SNRPC: variants seen among roughly 807,000 people sequenced by gnomAD.
SNRPC encodes small nuclear ribonucleoprotein polypeptide C, also known as U1 small nuclear ribonucleoprotein C.
In SNRPC, 5 loss-of-function variants were observed where a neutral mutation model predicts 20.0. That is an observed-to-expected ratio of 0.25 (90% CI 0.13 to 0.53). The LOEUF (loss-of-function observed/expected upper bound fraction) is 0.53, where lower values mean the gene tolerates loss of function less well. Among genes scored for constraint, SNRPC ranks in the 20% least tolerant of loss-of-function variants. The probability of loss-of-function intolerance (pLI) is 0.96; values close to 1 mark genes in which losing one functional copy is unlikely to be tolerated. For synonymous variants in SNRPC, 61 were observed against 58.7 expected (o/e 1.04, Z -0.18); for missense variants, 112 against 224.1 (o/e 0.50, Z 3.19).
intron 1 of SNRPC, 109 bp from the exon 2 acceptor site, chr6:34,757,803 G>T (rs1429420838): frequency 6.2e-7 from 1 of 1,602,978 alleles, no homozygotes; most frequent in Admixed American, 1.8e-5. Flanking sequence ...AGGCGGTCTG[G>T]CTTTTTGTTT....
chr6:34,762,519 A>C (rs935843723), intron 2 of SNRPC, 76 bp from the exon 3 acceptor site: 5 of 756,794 alleles, frequency 6.6e-6, no homozygotes, highest in Non-Finnish European at 1.1e-5. Flanking sequence ...CGCTACTTAT[A>C]TAAAGGTAAA....
At chr6:34,758,875 G>A (rs1040967383) in intron 2 of SNRPC, among the ~76,000 whole-genome samples, 1 of 151,726 alleles carries the variant, frequency 6.6e-6, no homozygotes, top group Non-Finnish European at 1.5e-5. Flanking sequence ...TTAGCTGGGC[G>A]CGGTGGCGGG....
At position 34,761,056 on chromosome 6, in the gene SNRPC, C is replaced by A. The variant is rs542702775; in HGVS notation, c.52-1539C>A. On this transcript the variant is annotated intron_variant, in intron 2 of 5. Transcript: ENST00000244520. ...GAGTGAGACTCCGTCTCAAAAAAAA[C>A]CAAAAAAAAAAACAACAAAAAAGAA... Among the ~76,000 whole-genome samples the A allele has an allele frequency of 6.9e-3, 1,010 of 147,236 alleles. 8 individuals are homozygous for A. The highest frequency in any genetic ancestry group is 0.014 in the Middle Eastern group (4 of 284).
At position 34,768,003 on chromosome 6, in the gene SNRPC, T is replaced by C. The variant is rs748804895; in HGVS notation, c.250+6T>C. ...ACCACCTCCCCCCAGCCTTCGTAAGTTTAAACTTTTAATCTTAAGGGGTGT... is the reference window on the plus strand; with the variant it reads ...ACCACCTCCCCCCAGCCTTCGTAAGCTTAAACTTTTAATCTTAAGGGGTGT... On this transcript the variant is annotated splice_donor_region_variant and intron_variant, in intron 4 of 5. Coordinates refer to ENST00000244520, the MANE Select transcript of SNRPC (RefSeq NM_003093.3). The C allele has an allele frequency of 6.2e-7, 1 of 1,608,416 alleles. No individual in the cohort carries two copies. The highest frequency in any genetic ancestry group is 1.7e-5 in the Admixed American group (1 of 58,858).
intron 1 of SNRPC, 134 bp from the exon 2 acceptor site, chr6:34,757,778 T>C (rs2127405078): frequency 6.3e-7 from 1 of 1,587,388 alleles, no homozygotes; most frequent in Non-Finnish European, 8.5e-7. Flanking sequence ...GACGCTTTGA[T>C]GCTTTTGAGT....
At chr6:34,763,198 C>T (rs1369928910) in intron 3 of SNRPC, among the ~76,000 whole-genome samples, 4 of 152,104 alleles carry the variant, frequency 2.6e-5, no homozygotes, top group African/African-American at 7.2e-5. Context: ...GTTTTGGACC[C>T]CTGTTGTACC....
intron 4 of SNRPC, 103 bp downstream of exon 4, chr6:34,768,100 T>A: frequency 4.6e-6 from 4 of 874,022 alleles, no homozygotes; most frequent in South Asian, 2.1e-5. Context: ...TGCATTTGTA[T>A]GTAGATAGTA....
rs762944647 is a variant in SNRPC, at chr6:34,762,654, T to C, written c.111T>C (p.Tyr37=). Residue 37 remains tyrosine, a synonymous_variant, in exon 3 of 6, where the codon TAT becomes TAC. Coordinates refer to ENST00000244520, the MANE Select transcript of SNRPC (RefSeq NM_003093.3). ...GRKHKENVKD[Y]YQKWMEEQAQ... ...AACACAAAGAGAATGTGAAAGACTA[T>C]TATCAGAAATGGATGGAAGAGCAGG... The C allele has an allele frequency of 2.5e-6, 4 of 1,604,908 alleles. No individual in the cohort carries two copies. Among genetic ancestry groups the C allele is most frequent in the Non-Finnish European group, 3.4e-6 (4 of 1,171,552 alleles).
chr6:34,767,085 A>C (rs1037621676), intron 3 of SNRPC, among the ~76,000 whole-genome samples: 1 of 152,204 alleles, frequency 6.6e-6, no homozygotes, highest in African/African-American at 2.4e-5. Flanking sequence ...CTTTTGGGGC[A>C]GGCTTATAGT....
intron 3 of SNRPC, among the ~76,000 whole-genome samples, chr6:34,763,814 T>G (rs1054070956): frequency 6.6e-6 from 1 of 150,390 alleles, no homozygotes; most frequent in African/African-American, 2.4e-5. Context: ...CCTCCCAGGT[T>G]CAAGCGATTC....
chr6:34,762,765 C>G (rs1764554695), intron 3 of SNRPC, 62 bp downstream of exon 3: 3 of 869,100 alleles, frequency 3.5e-6, no homozygotes, highest in Non-Finnish European at 5.7e-6. Flanking sequence ...ATCCCTGTCT[C>G]TGGTGTTTTT....
chr6:34,768,102 T>C, intron 4 of SNRPC, 105 bp downstream of exon 4: 1 of 830,034 alleles, frequency 1.2e-6, no homozygotes, highest in Non-Finnish European at 1.8e-6. Context: ...CATTTGTATG[T>C]AGATAGTAAT....
intron 4 of SNRPC, among the ~76,000 whole-genome samples, chr6:34,769,378 A>T (rs1764657970): frequency 6.6e-6 from 1 of 151,824 alleles, no homozygotes; most frequent in African/African-American, 2.4e-5. Context: ...TTTTTAGTAG[A>T]GATGGGGTTT....
chr6:34,770,505 G>A (rs770179771), intron 5 of SNRPC, 110 bp downstream of exon 5: 2 of 678,408 alleles, frequency 2.9e-6, no homozygotes, highest in Non-Finnish European at 5.2e-6. Flanking sequence ...TTGAAAATGG[G>A]GAGTTGTGCT....
At chr6:34,762,261 G>C (rs911649991) in intron 2 of SNRPC, among the ~76,000 whole-genome samples, 3 of 151,808 alleles carry the variant, frequency 2.0e-5, no homozygotes, top group Admixed American at 6.6e-5. Context: ...CCGAGATCGT[G>C]CTATTGTATT....
intron 5 of SNRPC, among the ~76,000 whole-genome samples, chr6:34,770,597 A>G (rs948715862): frequency 2.0e-5 from 3 of 152,264 alleles, no homozygotes; most frequent in Non-Finnish European, 4.4e-5. Flanking sequence ...AATTTGGTCA[A>G]TTATTAATGA....
Position 34,763,995 on chromosome 6 carries a change from G to A in SNRPC, c.160+1292G>A, listed in dbSNP as rs188958848. Reference sequence around the variant, plus strand: ...CTCCCAAAGTGCTGGGATTACAGGCGTGAGCCACCATGCCCAGCCAAAAAT... The same window carrying A: ...CTCCCAAAGTGCTGGGATTACAGGCATGAGCCACCATGCCCAGCCAAAAAT... On this transcript the variant is annotated intron_variant, in intron 3 of 5. Transcript: ENST00000244520. 3.7e-3 allele frequency among the ~76,000 whole-genome samples: 562 copies of A among 151,134 alleles called. 14 individuals are homozygous for A. Among genetic ancestry groups the A allele is most frequent in the Admixed American group, 0.027 (413 of 15,194 alleles).
chr6:34,769,928 G>A (rs959083731), intron 4 of SNRPC, among the ~76,000 whole-genome samples: 1 of 152,142 alleles, frequency 6.6e-6, no homozygotes, highest in Non-Finnish European at 1.5e-5. Context: ...GTTTGATTAA[G>A]AAGAGAAAAT....
chr6:34,767,610 T>C (rs1419274509), intron 3 of SNRPC, among the ~76,000 whole-genome samples: 1 of 152,206 alleles, frequency 6.6e-6, no homozygotes, highest in African/African-American at 2.4e-5. Flanking sequence ...AGACTCTGTC[T>C]CAAAAAGAAG....
Sources: gnomAD v4.1 joint callset for allele counts (sites outside exome capture counted in the v4.1 genomes callset) on GRCh38, gnomAD v4.1.1 for gene constraint, MANE v1.5 for transcripts, NCBI Gene and HGNC (gene_info 2026-07-23, HGNC 2026-07-21) for gene names.